NDST4: variants seen among roughly 807,000 people sequenced by gnomAD.
The protein encoded by NDST4 is N-heparan sulfate sulfotransferase 4.
NDST4 carries 63 observed loss-of-function variants against 100.8 expected under a neutral mutation model. The observed-to-expected ratio is 0.62, with a 90% CI of 0.51 to 0.77. The LOEUF is 0.77. NDST4 is among the 30% of genes least tolerant of loss of function. The pLI, the probability that NDST4 is intolerant of heterozygous loss-of-function variation, is 0.00. For missense variants in NDST4, 943 were observed against 1,018.4 expected, an observed-to-expected ratio of 0.93 and a Z score of 1.01; for synonymous variants, 377 against 361.8, an observed-to-expected ratio of 1.04 and a Z score of -0.48.
intron 6 of NDST4, among the ~76,000 whole-genome samples, chr4:114,910,141 G>A (rs1468722343): frequency 2.0e-5 from 3 of 152,086 alleles, no homozygotes; most frequent in Non-Finnish European, 4.4e-5. Context: ...ATCACAGGTT[G>A]GATTCTGTCT....
chr4:114,847,202 C>T (rs1723568454), intron 9 of NDST4, among the ~76,000 whole-genome samples: 1 of 142,142 alleles, frequency 7.0e-6, no homozygotes, highest in Non-Finnish European at 1.5e-5. Context: ...CGGTGAAACC[C>T]CGTCTCTACT....
At chr4:114,974,187 A>G in intron 3 of NDST4, among the ~76,000 whole-genome samples, 1 of 152,070 alleles carries the variant, frequency 6.6e-6, no homozygotes, top group East Asian at 1.9e-4. Context: ...CTGTGTTCAA[A>G]TGCTGGCAAA....
At chr4:114,929,074 GTCCATCCATCCATCCATCCA>G (rs1295994273) in intron 6 of NDST4, among the ~76,000 whole-genome samples, 3 of 120,562 alleles carry the variant, frequency 2.5e-5, no homozygotes, top group African/African-American at 1.0e-4. Context: ...CCGTCCGTCC[GTCCATCCATCCATCCATCCA>G]TCCATCCATC....
chr4:114,957,758 C>T (rs1240069406), intron 4 of NDST4, among the ~76,000 whole-genome samples: 1 of 152,120 alleles, frequency 6.6e-6, no homozygotes, highest in African/African-American at 2.4e-5. Context: ...ACACCTGTTC[C>T]AAATGGGAGA....
At chr4:114,865,347 G>T (rs1046156439) in intron 7 of NDST4, among the ~76,000 whole-genome samples, 1 of 152,168 alleles carries the variant, frequency 6.6e-6, no homozygotes, top group Admixed American at 6.5e-5. Context: ...ATAGGAGTGA[G>T]CCACTGCACC....
At chr4:115,037,384 A>G (rs1728255302) in intron 2 of NDST4, among the ~76,000 whole-genome samples, 1 of 152,124 alleles carries the variant, frequency 6.6e-6, no homozygotes, top group African/African-American at 2.4e-5. Flanking sequence ...TTAATTTTGA[A>G]TTGGACAGAT....
intron 1 of NDST4, among the ~76,000 whole-genome samples, chr4:115,111,147 C>G (rs1032604664): frequency 3.3e-5 from 5 of 151,920 alleles, no homozygotes; most frequent in African/African-American, 1.2e-4. Context: ...TCAACTCAAA[C>G]AGAAAGTACA....
intron 6 of NDST4, among the ~76,000 whole-genome samples, chr4:114,880,366 A>C (rs7668760): frequency 0.27 from 40,717 of 151,988 alleles, 8,175 homozygotes; most frequent in African/African-American, 0.57. Context: ...AGCTGCTTTC[A>C]ATCTGAGTTA....
intron 7 of NDST4, among the ~76,000 whole-genome samples, chr4:114,861,576 A>G (rs1361845684): frequency 6.6e-6 from 1 of 152,104 alleles, no homozygotes. Context: ...TACCAGCACC[A>G]TGTGTGACTG....
chr4:114,896,429 C>T (rs1336572948), intron 6 of NDST4, among the ~76,000 whole-genome samples: 1 of 151,934 alleles, frequency 6.6e-6, no homozygotes, highest in Admixed American at 6.6e-5. Flanking sequence ...TGAGACCATC[C>T]TGGCTAACAT....
chr4:114,829,205 C>T (rs950102039), intron 13 of NDST4, among the ~76,000 whole-genome samples: 2 of 152,064 alleles, frequency 1.3e-5, no homozygotes, highest in Admixed American at 6.5e-5. Flanking sequence ...GTTTTCCAAG[C>T]CTGTTCTACC....
In NDST4 at chr4:114,996,704, T is replaced by C. The variant is rs190103955; in HGVS notation, c.979-19430A>G. 3.7e-4 allele frequency among the ~76,000 whole-genome samples: 56 copies of C among 152,176 alleles called. No individual in the cohort carries two copies. In the East Asian group the frequency reaches 9.5e-3, roughly 26 times the overall value. ...TTTTATTACAACAAATTCCTTAGGT[T>C]ATTTAAAGAAGACCGATACTAAAAA... On this transcript the variant is annotated intron_variant, in intron 2 of 13. Transcript: ENST00000264363.
intron 6 of NDST4, among the ~76,000 whole-genome samples, chr4:114,899,504 T>G (rs1724789897): frequency 6.6e-6 from 1 of 151,918 alleles, no homozygotes; most frequent in Admixed American, 6.6e-5. Context: ...GTTGAGAAAG[T>G]CTCAATCTAT....
rs116710077 is a variant in NDST4, at chr4:114,975,463, T to C, written c.1066+1724A>G. The stretch of plus-strand genomic sequence containing the variant: ...GCTTAAAAGATATAATTAAAATACA[T>C]CTTTCTTTTTTACTGTCCTTCTTCA... On this transcript the variant is annotated intron_variant, in intron 3 of 13. Transcript: ENST00000264363. Among the ~76,000 whole-genome samples the C allele has an allele frequency of 6.2e-3, 939 of 152,236 alleles. 7 individuals are homozygous for C. Among genetic ancestry groups the C allele is most frequent in the African/African-American group, 0.02 (814 of 41,558 alleles).
At chr4:114,831,784 T>C (rs915306121) in intron 12 of NDST4, among the ~76,000 whole-genome samples, 1 of 152,222 alleles carries the variant, frequency 6.6e-6, no homozygotes, top group Non-Finnish European at 1.5e-5. Context: ...TTTATTGCAT[T>C]GGCAACTTCA....
At chr4:115,113,378 T>C (rs1170995229) in intron 1 of NDST4, 66 bp downstream of exon 1, 1 of 151,988 alleles carries the variant, frequency 6.6e-6, no homozygotes. Flanking sequence ...CTTGTTTACA[T>C]AGCTAAGCAA....
At chr4:114,839,676 T>A (rs954137594) in intron 10 of NDST4, 128 bp from the exon 11 acceptor site, 4 of 628,826 alleles carry the variant, frequency 6.4e-6, no homozygotes, top group Non-Finnish European at 1.0e-5. Context: ...GTCCTTTATG[T>A]CACAAAATAA....
At chr4:114,986,036 T>TA (rs1358994584) in intron 2 of NDST4, among the ~76,000 whole-genome samples, 2 of 152,170 alleles carry the variant, frequency 1.3e-5, no homozygotes, top group Non-Finnish European at 2.9e-5. Context: ...AATGTATATA[T>TA]ACCGGTAAGG....
intron 2 of NDST4, among the ~76,000 whole-genome samples, chr4:114,981,143 C>T (rs1021242427): frequency 6.6e-6 from 1 of 151,522 alleles, no homozygotes; most frequent in Non-Finnish European, 1.5e-5. Flanking sequence ...TCACTTTAGC[C>T]CAGGAGTTTG....
Sources: allele counts gnomAD v4.1 joint callset (sites outside exome capture counted in the v4.1 genomes callset), GRCh38; gene constraint gnomAD v4.1.1; transcripts MANE v1.5; gene names NCBI Gene and HGNC (gene_info 2026-07-23, HGNC 2026-07-21).